The following DCAF10 variants were observed in gnomAD, a reference collection of about 807,000 sequenced individuals.
DCAF10 encodes the protein DDB1- and CUL4-associated factor 10.
In DCAF10, 19 loss-of-function variants were observed where a neutral mutation model predicts 51.9. That is an observed-to-expected ratio of 0.37 (90% CI 0.26 to 0.54). The LOEUF is 0.54. Ranked by LOEUF, DCAF10 falls within the 20% of genes least tolerant of loss-of-function variation. The pLI is 0.87. For missense variants in DCAF10, 510 were observed against 730.6 expected (o/e 0.70, Z 3.48); for synonymous variants, 291 against 297.1 (o/e 0.98, Z 0.21).
intron 2 of DCAF10, among the ~76,000 whole-genome samples, chr9:37,838,791 T>G (rs1830248746): frequency 6.6e-6 from 1 of 151,416 alleles, no homozygotes; most frequent in East Asian, 1.9e-4. Context: ...CTCTGGAGGC[T>G]GAGGCATGAG....
In DCAF10 at chr9:37,863,325, C is replaced by CAAAAAA. The variant is rs770292432; in HGVS notation, c.*1836_*1841dup. ...TAGGCGACAGAGCGAGACTCTGTCT[C>CAAAAAA]AAAAAAAAAAAAAAAAAAAAAAAAT... is the stretch of plus-strand genomic sequence containing the variant. On this transcript the variant is annotated 3_prime_UTR_variant, in exon 7 of 7. Transcript: ENST00000377724. 58 of 57,416 alleles carry CAAAAAA rather than the reference C, an allele frequency of 1.0e-3. 1 individual carries two copies. The highest frequency in any genetic ancestry group is 3.5e-3 in the African/African-American group (57 of 16,446). The allele number at this position is 57,416 out of a possible 1,614,324, so 3.6% of individuals were successfully genotyped here.
Position 37,865,192 on chromosome 9 carries a change from C to A in DCAF10, c.*3684C>A, listed in dbSNP as rs186154467. ...CTCAGGGCACACATTCTGGCCATTC[C>A]TGACTAAAAAACTTCAAGCAGAATA... On this transcript the variant is annotated 3_prime_UTR_variant, in exon 7 of 7. Transcript: ENST00000377724. The A allele has an allele frequency of 1.3e-5, 2 of 151,466 alleles. No homozygotes were observed. Among genetic ancestry groups the A allele is most frequent in the African/African-American group, 4.8e-5 (2 of 41,248 alleles). 9.4% of individuals were successfully genotyped at this position (151,466 alleles called of 1,614,324 possible). A position where few individuals can be genotyped will look rare whatever the true frequency, so the allele number is the denominator to read the frequency against.
Position 37,801,529 on chromosome 9 carries a change from C to G in DCAF10, c.539+124C>G, listed in dbSNP as rs1025684232. ...TAGCGAGGCCGTTTGGGGCCGCTGG[C>G]CTTCGTGCCTCCTGGCACTTTCTGA... On this transcript the variant is annotated intron_variant, in intron 1 of 6. Coordinates refer to ENST00000377724, the MANE Select transcript of DCAF10 (RefSeq NM_024345.5). This position sits in a 1 kb window ranked among gnomAD's most constrained non-coding sequence, Gnocchi z 5.5. 1.7e-6 allele frequency: 2 copies of G among 1,166,504 alleles called. No homozygotes were observed. The highest frequency in any genetic ancestry group is 8.4e-5 in the Admixed American group (2 of 23,756). 72.3% of individuals were successfully genotyped at this position (1,166,504 alleles called of 1,614,324 possible). A position where few individuals can be genotyped will look rare whatever the true frequency, so the allele number is the denominator to read the frequency against.
chr9:37,808,288 G>A (rs1240142663), intron 1 of DCAF10, among the ~76,000 whole-genome samples: 1 of 151,122 alleles, frequency 6.6e-6, no homozygotes, highest in Non-Finnish European at 1.5e-5. Flanking sequence ...CATGCCTATA[G>A]TCCTAGCTAC....
intron 2 of DCAF10, chr9:37,836,202 AG>A: frequency 6.7e-7 from 1 of 1,490,214 alleles, no homozygotes; most frequent in African/African-American, 1.4e-5. Context: ...GTATGAAATG[AG>A]AACACTTTAC....
chr9:37,835,900 GA>G (rs1830149485), intron 2 of DCAF10: 1 of 1,169,780 alleles, frequency 8.5e-7, no homozygotes, highest in East Asian at 2.5e-5. Context: ...GTGTAGGTTT[GA>G]AAACTGTACC....
At chr9:37,836,235 C>T in intron 2 of DCAF10, 1 of 1,549,086 alleles carries the variant, frequency 6.5e-7, no homozygotes, top group Admixed American at 1.7e-5. Flanking sequence ...GTTAGAACAT[C>T]TAACTGGAAG....
At chr9:37,852,145 G>C (rs978344350) in intron 3 of DCAF10, among the ~76,000 whole-genome samples, 5 of 152,136 alleles carry the variant, frequency 3.3e-5, no homozygotes, top group African/African-American at 1.2e-4. Flanking sequence ...AGATTCACCA[G>C]AGGGGGGAAA....
intron 2 of DCAF10, among the ~76,000 whole-genome samples, chr9:37,828,554 T>C (rs1266782097): frequency 3.3e-5 from 5 of 152,194 alleles, no homozygotes; most frequent in Non-Finnish European, 2.9e-5. Context: ...TCCAGTGTAG[T>C]TTTAGTTAAC....
Position 37,861,690 on chromosome 9 carries a change from A to C in DCAF10, c.*182A>C, listed in dbSNP as rs1831022134. The C allele has an allele frequency of 1.4e-6, 1 of 718,680 alleles. No individual in the cohort carries two copies. Among genetic ancestry groups the C allele is most frequent in the Non-Finnish European group, 2.2e-6 (1 of 455,360 alleles). 44.5% of individuals were successfully genotyped at this position (718,680 alleles called of 1,614,324 possible). A position where few individuals can be genotyped will look rare whatever the true frequency, so the allele number is the denominator to read the frequency against. On this transcript the variant is annotated 3_prime_UTR_variant, in exon 7 of 7. Coordinates refer to ENST00000377724, the MANE Select transcript of DCAF10 (RefSeq NM_024345.5). This position sits in a 1 kb window ranked among gnomAD's most constrained non-coding sequence, Gnocchi z 4.9. The stretch of plus-strand genomic sequence containing the variant: ...CATCCAGCATCATACAGGCATCTCC[A>C]AGTTAGACTCTATGCAGCATCATCT...
Position 37,861,343 on chromosome 9 carries a change from T to G in DCAF10, c.1515T>G (p.Ser505Arg). 1 of 1,614,232 alleles carries G rather than the reference T, an allele frequency of 6.2e-7. No individual in the cohort carries two copies. Among genetic ancestry groups the G allele is most frequent in the Non-Finnish European group, 8.5e-7 (1 of 1,180,028 alleles). The change falls in exon 7 of 7, where the codon AGT becomes AGG. Residue 505 changes from serine to arginine, a missense_variant. By Grantham distance (110) the Ser-to-Arg change is moderately radical (BLOSUM62 -1). This residue lies in a region of DCAF10 where 104 missense variants were observed against 206.2 expected (regional missense o/e 0.50). Transcript: ENST00000377724. This position sits in a 1 kb window ranked among gnomAD's most constrained non-coding sequence, Gnocchi z 4.9. ...TGTTGGGATTTGACAAACAGTGCAG[T>G]GAACTTGTTGACTGCTTGCCCAAAG... ...IRLLGFDKQC[S>R]ELVDCLPKEA... is the part of the protein sequence containing the mutation.
At chr9:37,857,418 T>A (rs1042162209) in intron 5 of DCAF10, 67 bp downstream of exon 5, 95 of 1,185,978 alleles carry the variant, frequency 8.0e-5, no homozygotes, top group Non-Finnish European at 1.1e-4. Flanking sequence ...AATTATTGAT[T>A]GATTAAAACC....
chr9:37,862,336 T>A lies in DCAF10; in HGVS notation c.*828T>A, dbSNP rs979658293. ...TTTCTATTGCACAGAAAAGGATTTT[T>A]AAAATTAGATTAGTATAATATCTGG... On this transcript the variant is annotated 3_prime_UTR_variant, in exon 7 of 7. Coordinates refer to ENST00000377724, the MANE Select transcript of DCAF10 (RefSeq NM_024345.5). The A allele has an allele frequency of 6.6e-6, 1 of 152,574 alleles. No homozygotes were observed. Among genetic ancestry groups the A allele is most frequent in the Non-Finnish European group, 1.5e-5 (1 of 68,042 alleles). The allele number at this position is 152,574 out of a possible 1,614,324, so 9.5% of individuals were successfully genotyped here.
chr9:37,826,778 A>G (rs566412748), intron 2 of DCAF10, among the ~76,000 whole-genome samples: 2 of 151,630 alleles, frequency 1.3e-5, no homozygotes, highest in Admixed American at 6.6e-5. Context: ...GTAATACACT[A>G]TCATTTATGC....
At chr9:37,852,965 T>TATAA (rs1281431404) in intron 3 of DCAF10, among the ~76,000 whole-genome samples, 49 of 101,098 alleles carry the variant, frequency 4.8e-4, no homozygotes, top group African/African-American at 1.4e-3. Flanking sequence ...TATATATATA[T>TATAA]AAATTAGCTT....
Position 37,861,319 on chromosome 9 carries a change from G to T in DCAF10, c.1491G>T (p.Leu497Phe). 1 of 1,614,204 alleles carries T rather than the reference G, an allele frequency of 6.2e-7. No individual in the cohort carries two copies. Among genetic ancestry groups the T allele is most frequent in the Non-Finnish European group, 8.5e-7 (1 of 1,180,030 alleles). ...CCCCACATGGCTATGGGATTCGCTT[G>T]TTGGGATTTGACAAACAGTGCAGTG... ...ISSPHGYGIR[L>F]LGFDKQCSEL... Residue 497 changes from leucine (L) to phenylalanine (F), a missense_variant, in exon 7 of 7, where the codon TTG becomes TTT. Coordinates refer to ENST00000377724, the MANE Select transcript of DCAF10 (RefSeq NM_024345.5). This position sits in a 1 kb window ranked among gnomAD's most constrained non-coding sequence, Gnocchi z 4.9.
At chr9:37,812,843 C>G (rs1217104234) in intron 1 of DCAF10, among the ~76,000 whole-genome samples, 2 of 151,834 alleles carry the variant, frequency 1.3e-5, no homozygotes, top group African/African-American at 4.8e-5. Flanking sequence ...GTTTGTTGTC[C>G]AGGCTGGGAA....
upstream of DCAF10, chr9:37,800,785 G>C: frequency 6.6e-7 from 1 of 1,517,720 alleles, no homozygotes; most frequent in South Asian, 1.2e-5. Context: ...GCCGCTGCAC[G>C]CCGGAAGTGG....
rs751396066 is a variant in DCAF10 at position 37,861,331 on chromosome 9, C to T, written c.1503C>T (p.Asp501=). 1.2e-6 allele frequency: 2 copies of T among 1,614,198 alleles called. No individual in the cohort carries two copies. The highest frequency in any genetic ancestry group is 1.1e-5 in the South Asian group (1 of 91,090). Residue 501 remains aspartate (D), a synonymous_variant, in exon 7 of 7, where the codon GAC becomes GAT. Transcript: ENST00000377724. This position sits in a 1 kb window ranked among gnomAD's most constrained non-coding sequence, Gnocchi z 4.9. The stretch of plus-strand genomic sequence containing the variant: ...ATGGGATTCGCTTGTTGGGATTTGA[C>T]AAACAGTGCAGTGAACTTGTTGACT... ...HGYGIRLLGF[D]KQCSELVDCL... is the part of the protein sequence containing the mutation.
Sources: allele counts gnomAD v4.1 joint callset (sites outside exome capture counted in the v4.1 genomes callset), GRCh38; gene constraint gnomAD v4.1.1; regional missense constraint gnomAD v4.1.1; non-coding constraint Gnocchi (gnomAD v3.1); transcripts MANE v1.5; gene names NCBI Gene and HGNC (gene_info 2026-07-23, HGNC 2026-07-21).